Variants in LPXN observed in about 807,000 individuals in gnomAD.
LPXN encodes the protein leupaxin.
A neutral mutation model predicts 45.6 loss-of-function variants in LPXN; 28 were observed. The ratio of observed to expected loss-of-function variants is 0.61; its 90% CI spans 0.45 to 0.84. The LOEUF (loss-of-function observed/expected upper bound fraction) is 0.84. Among genes scored for constraint, LPXN ranks in the 40% least tolerant of loss-of-function variants. LPXN has a pLI of 0.00. For missense variants in LPXN, 459 were observed against 475.0 expected, an observed-to-expected ratio of 0.97 and a Z score of 0.31; for synonymous variants, 166 against 169.9, an observed-to-expected ratio of 0.98 and a Z score of 0.18.
At position 58,564,175 on chromosome 11, in the gene LPXN, G is replaced by T. The variant is rs1288865707; in HGVS notation, c.198C>A (p.Ile66=). 1.2e-6 allele frequency: 2 copies of T among 1,602,612 alleles called. No individual in the cohort carries two copies. Among genetic ancestry groups the T allele is most frequent in the Admixed American group, 1.7e-5 (1 of 58,346 alleles). ...AATACCTGTAGACATTGAGCTCCTG[G>T]ATATTGGTAGTATACACGAGCTGCG... The part of the protein sequence containing the change: ...LPAQLVYTTN[I]QELNVYSEAQ... The change falls in exon 3 of 9, where the codon ATC becomes ATA. Residue 66 remains isoleucine, a synonymous_variant. Coordinates refer to ENST00000395074, the MANE Select transcript of LPXN (RefSeq NM_004811.3).
chr11:58,569,388 TTTTG>T (rs1400315403), intron 2 of LPXN, among the ~76,000 whole-genome samples: 2 of 152,114 alleles, frequency 1.3e-5, no homozygotes, highest in Non-Finnish European at 2.9e-5. Context: ...TTTGTTTTTT[TTTTG>T]TTTGTTTGTT....
At chr11:58,529,438 G>A (rs1277304135) in intron 7 of LPXN, among the ~76,000 whole-genome samples, 9 of 151,602 alleles carry the variant, frequency 5.9e-5, no homozygotes, top group Non-Finnish European at 8.8e-5. Flanking sequence ...GTGAAACCCC[G>A]TCTCTACTAA....
chr11:58,540,200 G>T (rs778607260), intron 7 of LPXN, among the ~76,000 whole-genome samples: 10 of 152,070 alleles, frequency 6.6e-5, no homozygotes, highest in Non-Finnish European at 1.3e-4. Context: ...AAAGCAGCCA[G>T]TCAAATAAAG....
chr11:58,568,672 A>C (rs1854592851), intron 2 of LPXN, among the ~76,000 whole-genome samples: 1 of 152,190 alleles, frequency 6.6e-6, no homozygotes, highest in African/African-American at 2.4e-5. Context: ...CCATGGAAGA[A>C]GCTGGAAGGA....
At chr11:58,539,528 C>G (rs1251110205) in intron 7 of LPXN, among the ~76,000 whole-genome samples, 1 of 152,068 alleles carries the variant, frequency 6.6e-6, no homozygotes, top group Non-Finnish European at 1.5e-5. Context: ...TTACTGGGAT[C>G]ATATCAGAAA....
At chr11:58,538,770 C>T (rs1045220436) in intron 7 of LPXN, among the ~76,000 whole-genome samples, 3 of 150,228 alleles carry the variant, frequency 2.0e-5, no homozygotes, top group Non-Finnish European at 4.4e-5. Context: ...TAAAATAATA[C>T]AATATATATA....
chr11:58,570,026 G>T (rs578025622), intron 2 of LPXN, among the ~76,000 whole-genome samples: 24 of 152,172 alleles, frequency 1.6e-4, no homozygotes, highest in Admixed American at 3.9e-4. Flanking sequence ...GTTCTCGGCT[G>T]GGCGTGATGG....
intron 3 of LPXN, among the ~76,000 whole-genome samples, chr11:58,563,869 G>A (rs1854451847): frequency 6.6e-6 from 1 of 152,170 alleles, no homozygotes; most frequent in Non-Finnish European, 1.5e-5. Context: ...GAATAGCGTG[G>A]ACAAAACATC....
At chr11:58,533,434 A>G (rs1853456499) in intron 7 of LPXN, among the ~76,000 whole-genome samples, 1 of 152,216 alleles carries the variant, frequency 6.6e-6, no homozygotes, top group African/African-American at 2.4e-5. Context: ...CTTCGTAAAC[A>G]AAAGAGAAAT....
At chr11:58,552,410 A>G (rs937190732) in intron 4 of LPXN, among the ~76,000 whole-genome samples, 1 of 152,088 alleles carries the variant, frequency 6.6e-6, no homozygotes, top group Admixed American at 6.5e-5. Flanking sequence ...GCTACCATCT[A>G]TCTACTGAAT....
upstream of LPXN, among the ~76,000 whole-genome samples, chr11:58,576,685 A>C (rs1319741067): frequency 1.3e-5 from 2 of 152,246 alleles, no homozygotes; most frequent in Non-Finnish European, 2.9e-5. Context: ...AAATAGGTTC[A>C]TGTAATAGCA....
chr11:58,566,928 T>C (rs1854543170), intron 2 of LPXN, among the ~76,000 whole-genome samples: 2 of 152,152 alleles, frequency 1.3e-5, no homozygotes, highest in Admixed American at 6.5e-5. Context: ...CATTCTGAAA[T>C]GTTTCCTTGC....
At chr11:58,558,707 G>C (rs748423080) in intron 3 of LPXN, among the ~76,000 whole-genome samples, 1 of 151,668 alleles carries the variant, frequency 6.6e-6, no homozygotes, top group African/African-American at 2.4e-5. Flanking sequence ...CAGACTATTC[G>C]ACTCAAAGAA....
At chr11:58,533,458 G>A (rs532054396) in intron 7 of LPXN, among the ~76,000 whole-genome samples, 1 of 152,300 alleles carries the variant, frequency 6.6e-6, no homozygotes, top group Admixed American at 6.5e-5. Flanking sequence ...ATTATTTACA[G>A]ACAAGCAAAT....
Position 58,572,328 on chromosome 11 carries a change from T to A in LPXN, c.14-1615A>T, listed in dbSNP as rs11229530. Among the ~76,000 whole-genome samples, 302 of 152,228 alleles carry A rather than the reference T, an allele frequency of 2.0e-3. 3 individuals are homozygous for A. The highest frequency in any genetic ancestry group is 3.0e-3 in the Non-Finnish European group (205 of 68,010). On this transcript the variant is annotated intron_variant, in intron 1 of 8. Transcript: ENST00000395074. ...AATGAAATATACAGATCTTTCATAA[T>A]CATCCATTTATCAAAAATGTTGACT...
At chr11:58,558,275 G>A (rs1456550634) in intron 3 of LPXN, among the ~76,000 whole-genome samples, 4 of 151,926 alleles carry the variant, frequency 2.6e-5, no homozygotes, top group African/African-American at 9.7e-5. Flanking sequence ...GGGTGCGATC[G>A]TTCATACCTG....
At chr11:58,543,497 T>G (rs1479669980) in intron 7 of LPXN, among the ~76,000 whole-genome samples, 1 of 152,204 alleles carries the variant, frequency 6.6e-6, no homozygotes, top group Non-Finnish European at 1.5e-5. Flanking sequence ...TGCATTGTAC[T>G]GGTTCCACTG....
At chr11:58,578,063 G>T (rs900937803), upstream of LPXN, 9 of 1,550,238 alleles carry the variant, frequency 5.8e-6, no homozygotes, top group African/African-American at 1.4e-5. Context: ...TGGCTAGCCA[G>T]TCCCAGAGGA....
chr11:58,577,257 C>T (rs892713833), upstream of LPXN, among the ~76,000 whole-genome samples: 1 of 152,204 alleles, frequency 6.6e-6, no homozygotes, highest in African/African-American at 2.4e-5. Flanking sequence ...TAAAAAATTT[C>T]CATTGACACT....
Sources: gnomAD v4.1 joint callset for allele counts (sites outside exome capture counted in the v4.1 genomes callset) on GRCh38, gnomAD v4.1.1 for gene constraint, MANE v1.5 for transcripts, NCBI Gene and HGNC (gene_info 2026-07-23, HGNC 2026-07-21) for gene names.